Variants in KCNQ1 observed in about 807,000 individuals in gnomAD.
KCNQ1 encodes the protein potassium voltage-gated channel subfamily KQT member 1.
A neutral mutation model predicts 72.4 loss-of-function variants in KCNQ1; 49 were observed. The observed-to-expected ratio is 0.68, with a 90% CI of 0.54 to 0.86. The LOEUF is 0.86. Ranked by LOEUF, KCNQ1 falls within the 40% of genes least tolerant of loss-of-function variation. The pLI, the probability that KCNQ1 is intolerant of heterozygous loss-of-function variation, is 0.00. For missense variants in KCNQ1, 790 were observed against 945.1 expected, an observed-to-expected ratio of 0.84 and a Z score of 2.15; for synonymous variants, 450 against 412.6, an observed-to-expected ratio of 1.09 and a Z score of -1.10.
rs567480866 is a variant in KCNQ1 at position 2,562,405 on chromosome 11, C to T, written c.478-8223C>T. 1.7e-3 allele frequency among the ~76,000 whole-genome samples: 262 copies of T among 152,230 alleles called. No individual in the cohort carries two copies. The highest frequency in any genetic ancestry group is 2.6e-3 in the Non-Finnish European group (178 of 68,002). ...CCGGCCAGCTGACCCTCCCCGGAGCCGAGGCTGGCTCTCTCTGTGGCTTAT... is the reference window on the plus strand; with the variant it reads ...CCGGCCAGCTGACCCTCCCCGGAGCTGAGGCTGGCTCTCTCTGTGGCTTAT... On this transcript the variant is annotated intron_variant, in intron 2 of 15. Transcript: ENST00000155840. The surrounding 1 kb of genome is among the most constrained non-coding windows in gnomAD (Gnocchi z 7.5).
In KCNQ1 at chr11:2,497,106, T is replaced by C. The variant is rs7119686; in HGVS notation, c.387-30822T>C. On this transcript the variant is annotated intron_variant, in intron 1 of 15. Coordinates refer to ENST00000155840, the MANE Select transcript of KCNQ1 (RefSeq NM_000218.3). This position sits in a 1 kb window ranked among gnomAD's most constrained non-coding sequence, Gnocchi z 4.5. ...TCTGGCTGCCCTTAACGTTTTGTCC[T>C]TCATTTAAACCTTGGAGAATCTGAC... 0.53 allele frequency among the ~76,000 whole-genome samples: 80,941 copies of C among 152,000 alleles called. 23,086 individuals carry two copies. The highest frequency in any genetic ancestry group is 0.64 in the Non-Finnish European group (43,445 of 67,942).
At chr11:2,814,185 G>A (rs1156689641) in intron 15 of KCNQ1, among the ~76,000 whole-genome samples, 1 of 143,036 alleles carries the variant, frequency 7.0e-6, no homozygotes, top group Non-Finnish European at 1.5e-5. Context: ...TGGTTGAGTG[G>A]GGGGGTAGAT....
chr11:2,661,001 A>C lies in KCNQ1; in HGVS notation c.1394-960A>C, dbSNP rs1437199525. On this transcript the variant is annotated intron_variant, in intron 10 of 15. Transcript: ENST00000155840. The surrounding 1 kb of genome is among the most constrained non-coding windows in gnomAD (Gnocchi z 5.9). ...TATTATGTAATGACTAAAATAATTAAATCCATGCCTATATACCTAGAGAAA... is the reference window on the plus strand; with the variant it reads ...TATTATGTAATGACTAAAATAATTACATCCATGCCTATATACCTAGAGAAA... 1 of 398,632 alleles carries C rather than the reference A, an allele frequency of 2.5e-6. No individual in the cohort carries two copies. Among genetic ancestry groups the C allele is most frequent in the Non-Finnish European group, 4.4e-6 (1 of 226,062 alleles). The allele number at this position is 398,632 out of a possible 1,614,324, so 24.7% of individuals were successfully genotyped here.
At chr11:2,570,855 G>A in intron 3 of KCNQ1, 101 bp downstream of exon 3, 1 of 1,538,000 alleles carries the variant, frequency 6.5e-7, no homozygotes, top group Non-Finnish European at 8.9e-7. Context: ...AAGGACTGGG[G>A]AACCCCAAGG....
At chr11:2,636,305 G>T (rs1849463859) in intron 10 of KCNQ1, 1 of 152,104 alleles carries the variant, frequency 6.6e-6, no homozygotes. Context: ...CATTCAGTAT[G>T]ATATTGGCTG....
chr11:2,539,569 A>G (rs1847791112), intron 2 of KCNQ1, among the ~76,000 whole-genome samples: 1 of 152,184 alleles, frequency 6.6e-6, no homozygotes, highest in Non-Finnish European at 1.5e-5. Context: ...GAACACCGCC[A>G]TGGTGCTCTG....
rs150950451 is a variant in KCNQ1 at position 2,778,150 on chromosome 11, G to A, written c.1794+113G>A. The A allele has an allele frequency of 6.6e-4, 686 of 1,037,778 alleles. 1 individual carries two copies. Among genetic ancestry groups the A allele is most frequent in the Non-Finnish European group, 8.7e-4 (593 of 682,096 alleles). 64.3% of individuals were successfully genotyped at this position (1,037,778 alleles called of 1,614,324 possible). ...CTCCTGCAGGCCTCCCCACCTTCCC[G>A]CCAGTGCCTACTGCAGCCTGCCCAG... On this transcript the variant is annotated intron_variant, in intron 15 of 15. Transcript: ENST00000155840.
Position 2,499,528 on chromosome 11 carries a change from C to CCCT in KCNQ1, c.387-28398_387-28397insTCC, listed in dbSNP as rs1846975479. On this transcript the variant is annotated intron_variant, in intron 1 of 15. Transcript: ENST00000155840. ...ACAGAGTGGTTGAATGGACCCCTGC[C>CCCT]CCCACAAAAAAAGACCCAATTATCT... Among the ~76,000 whole-genome samples the CCCT allele has an allele frequency of 2.1e-5, 3 of 144,728 alleles. 1 individual carries two copies. The highest frequency in any genetic ancestry group is 4.6e-5 in the Non-Finnish European group (3 of 65,398). The allele number at this position is 144,728 out of a possible 152,430, so 94.9% of individuals were successfully genotyped here.
Position 2,830,015 on chromosome 11 carries a change from GGAA to G in KCNQ1, c.1795-17750_1795-17748del, listed in dbSNP as rs1317397373. Among the ~76,000 whole-genome samples the G allele has an allele frequency of 5.0e-4, 63 of 126,780 alleles. No individual in the cohort carries two copies. The highest frequency in any genetic ancestry group is 1.7e-3 in the African/African-American group (55 of 32,998). 83.2% of individuals were successfully genotyped at this position (126,780 alleles called of 152,430 possible). ...AAGGAAGAGGGAGGAGGAAGGAGGA[GGAA>G]GGAGGAGGAAGGAGGAGGGAGGAGG... On this transcript the variant is annotated intron_variant, in intron 15 of 15. Coordinates refer to ENST00000155840, the MANE Select transcript of KCNQ1 (RefSeq NM_000218.3). This position sits in a 1 kb window ranked among gnomAD's most constrained non-coding sequence, Gnocchi z 7.7.
In KCNQ1 at chr11:2,488,086, G is replaced by T. The variant is rs1269836097; in HGVS notation, c.387-39842G>T. ...GTTTTTAATAAGGATGTTGAATTTT[G>T]TCAAATGCTTTTTGTATCAATTGAG... On this transcript the variant is annotated intron_variant, in intron 1 of 15. Coordinates refer to ENST00000155840, the MANE Select transcript of KCNQ1 (RefSeq NM_000218.3). The surrounding 1 kb of genome is among the most constrained non-coding windows in gnomAD (Gnocchi z 5.1). Among the ~76,000 whole-genome samples the T allele has an allele frequency of 2.0e-5, 3 of 152,064 alleles. No homozygotes were observed. Among genetic ancestry groups the T allele is most frequent in the African/African-American group, 7.2e-5 (3 of 41,410 alleles).
intron 12 of KCNQ1, among the ~76,000 whole-genome samples, chr11:2,770,272 C>A (rs557174627): frequency 6.6e-6 from 1 of 152,316 alleles, no homozygotes; most frequent in South Asian, 2.1e-4. Flanking sequence ...TGGGTGCAGA[C>A]CCTGGCACAG....
chr11:2,655,830 C>G (rs1484872867), intron 10 of KCNQ1: 2 of 398,528 alleles, frequency 5.0e-6, no homozygotes, highest in Non-Finnish European at 8.8e-6. Flanking sequence ...AGCCAGCAGA[C>G]AATAACCTCT....
chr11:2,781,798 G>A lies in KCNQ1; in HGVS notation c.1794+3761G>A, dbSNP rs1192514254. ...TCTGTTTTTGCCGGAAATGTTCATG[G>A]CTGAGAGCCGGACACAGGGGAGTCC... On this transcript the variant is annotated intron_variant, in intron 15 of 15. Transcript: ENST00000155840. This position sits in a 1 kb window ranked among gnomAD's most constrained non-coding sequence, Gnocchi z 6.6. Among the ~76,000 whole-genome samples, 1 of 152,186 alleles carries A rather than the reference G, an allele frequency of 6.6e-6. No homozygotes were observed. Among genetic ancestry groups the A allele is most frequent in the East Asian group, 1.9e-4 (1 of 5,202 alleles).
In KCNQ1 at chr11:2,815,963, T is replaced by G. The variant is rs1428932395; in HGVS notation, c.1795-31804T>G. Among the ~76,000 whole-genome samples the G allele has an allele frequency of 3.3e-5, 5 of 152,178 alleles. No individual in the cohort carries two copies. The highest frequency in any genetic ancestry group is 7.4e-5 in the Non-Finnish European group (5 of 68,024). On this transcript the variant is annotated intron_variant, in intron 15 of 15. Transcript: ENST00000155840. This position sits in a 1 kb window ranked among gnomAD's most constrained non-coding sequence, Gnocchi z 5.4. The stretch of plus-strand genomic sequence containing the variant: ...GAGGGGACTTGGGGGACCAGCCAGC[T>G]GGATATGTTCCCTTGCAGGCGGGCA...
rs74899747 is a variant in KCNQ1 at position 2,516,424 on chromosome 11, C to T, written c.387-11504C>T. On this transcript the variant is annotated intron_variant, in intron 1 of 15. Coordinates refer to ENST00000155840, the MANE Select transcript of KCNQ1 (RefSeq NM_000218.3). The surrounding 1 kb of genome is among the most constrained non-coding windows in gnomAD (Gnocchi z 7.0). ...GAGCCTGTTTTTAAAGGGGATGTGG[C>T]GGCCAGCTCTGGGGGCACACGTTCC... Among the ~76,000 whole-genome samples, 6,392 of 152,108 alleles carry T rather than the reference C, an allele frequency of 0.042. 183 individuals carry two copies. The highest frequency in any genetic ancestry group is 0.063 in the Non-Finnish European group (4,305 of 67,986).
At chr11:2,757,767 CCTGA>C (rs1846329124) in intron 11 of KCNQ1, among the ~76,000 whole-genome samples, 1 of 152,184 alleles carries the variant, frequency 6.6e-6, no homozygotes, top group African/African-American at 2.4e-5. Context: ...CGCAAACATG[CCTGA>C]CTAATTTTAA....
intron 15 of KCNQ1, among the ~76,000 whole-genome samples, chr11:2,843,767 G>A (rs751344117): frequency 5.3e-5 from 8 of 152,220 alleles, no homozygotes; most frequent in African/African-American, 1.7e-4. Flanking sequence ...ATCGCCGGCC[G>A]CCCGGGGCTC....
At position 2,673,369 on chromosome 11, in the gene KCNQ1, A is replaced by G; in HGVS notation, c.1514+11288A>G. ...ATTAGCAAACAAAGGGAAGTGACAG[A>G]GCAGAGCTCCCCTTGGCCTTTGTTT... On this transcript the variant is annotated intron_variant, in intron 11 of 15. Transcript: ENST00000155840. The surrounding 1 kb of genome is among the most constrained non-coding windows in gnomAD (Gnocchi z 4.5). The G allele has an allele frequency of 2.5e-6, 1 of 398,702 alleles. No homozygotes were observed. Among genetic ancestry groups the G allele is most frequent in the Non-Finnish European group, 4.4e-6 (1 of 226,100 alleles). 24.7% of individuals were successfully genotyped at this position (398,702 alleles called of 1,614,324 possible).
intron 2 of KCNQ1, among the ~76,000 whole-genome samples, chr11:2,532,503 C>A (rs1348621876): frequency 6.6e-6 from 1 of 152,198 alleles, no homozygotes; most frequent in Non-Finnish European, 1.5e-5. Context: ...ATGGTGGGGG[C>A]ACGTTGGGGA....
Sources: allele counts gnomAD v4.1 joint callset (sites outside exome capture counted in the v4.1 genomes callset), GRCh38; gene constraint gnomAD v4.1.1; non-coding constraint Gnocchi (gnomAD v3.1); transcripts MANE v1.5; gene names NCBI Gene and HGNC (gene_info 2026-07-23, HGNC 2026-07-21).